Variants in TIAM1 observed in about 807,000 individuals in gnomAD.
TIAM1 encodes rho guanine nucleotide exchange factor TIAM1.
A neutral mutation model predicts 163.5 loss-of-function variants in TIAM1; 65 were observed. That is an observed-to-expected ratio of 0.40 (90% CI 0.33 to 0.49). The LOEUF is 0.49. TIAM1 is among the 20% of genes least tolerant of loss of function. The pLI, the probability that TIAM1 is intolerant of heterozygous loss-of-function variation, is 0.77. For missense variants in TIAM1, 1,789 were observed against 2,044.7 expected, an observed-to-expected ratio of 0.87 and a Z score of 2.41; for synonymous variants, 833 against 810.1, an observed-to-expected ratio of 1.03 and a Z score of -0.48.
At chr21:31,171,399 T>C (rs1392904334) in intron 15 of TIAM1, among the ~76,000 whole-genome samples, 1 of 152,192 alleles carries the variant, frequency 6.6e-6, no homozygotes, top group Non-Finnish European at 1.5e-5. Context: ...CACTTTTGTT[T>C]GTAAAAAGGC....
intron 2 of TIAM1, among the ~76,000 whole-genome samples, chr21:31,295,415 C>T (rs185969711): frequency 2.7e-5 from 4 of 146,574 alleles, no homozygotes; most frequent in Non-Finnish European, 1.5e-5. Flanking sequence ...GCTTGCAGTG[C>T]GCCGAGATCA....
intron 15 of TIAM1, among the ~76,000 whole-genome samples, chr21:31,165,882 CATCTT>C (rs1568952898): frequency 6.6e-6 from 1 of 152,174 alleles, no homozygotes. Context: ...AAACTATAAA[CATCTT>C]ATAATACCTG....
intron 1 of TIAM1, among the ~76,000 whole-genome samples, chr21:31,546,073 TA>T (rs397866875): frequency 2.0e-5 from 3 of 151,318 alleles, no homozygotes; most frequent in Admixed American, 1.3e-4. Flanking sequence ...TAATTTATTT[TA>T]AAAAAAATTT....
chr21:31,533,668 GGCTGCACGA>G (rs2048038309), intron 1 of TIAM1, among the ~76,000 whole-genome samples: 1 of 152,152 alleles, frequency 6.6e-6, no homozygotes, highest in South Asian at 2.1e-4. Flanking sequence ...AGAAGTTTGA[GGCTGCACGA>G]GCTGTGTTCA....
At chr21:31,216,390 G>C (rs975882448) in intron 9 of TIAM1, among the ~76,000 whole-genome samples, 1 of 152,136 alleles carries the variant, frequency 6.6e-6, no homozygotes, top group African/African-American at 2.4e-5. Flanking sequence ...CAAACTAGCA[G>C]TCTTAGTCAT....
chr21:31,281,103 A>AC (rs2073539514), intron 2 of TIAM1, among the ~76,000 whole-genome samples: 1 of 151,566 alleles, frequency 6.6e-6, no homozygotes, highest in East Asian at 1.9e-4. Flanking sequence ...AAAAAAAAAA[A>AC]AAAAACAACG....
intron 2 of TIAM1, among the ~76,000 whole-genome samples, chr21:31,364,597 A>C (rs1209478350): frequency 6.6e-6 from 1 of 152,224 alleles, no homozygotes; most frequent in African/African-American, 2.4e-5. Flanking sequence ...GGAATTGTTA[A>C]TAAGAGTTCT....
At chr21:31,522,093 A>G (rs1035633219) in intron 1 of TIAM1, among the ~76,000 whole-genome samples, 7 of 151,822 alleles carry the variant, frequency 4.6e-5, no homozygotes, top group South Asian at 2.1e-4. Flanking sequence ...GGATGGTCTC[A>G]ATCTCCTGAC....
At chr21:31,433,161 C>G (rs949922498) in intron 2 of TIAM1, among the ~76,000 whole-genome samples, 1 of 152,110 alleles carries the variant, frequency 6.6e-6, no homozygotes, top group Non-Finnish European at 1.5e-5. Flanking sequence ...AAATTGAAAG[C>G]CAGAGCTCTT....
At chr21:31,438,087 T>C (rs2044276336) in intron 2 of TIAM1, among the ~76,000 whole-genome samples, 1 of 151,952 alleles carries the variant, frequency 6.6e-6, no homozygotes. Context: ...CAACTACTTT[T>C]TACTAACCCC....
At chr21:31,240,903 T>G (rs962860673) in intron 6 of TIAM1, among the ~76,000 whole-genome samples, 1 of 152,174 alleles carries the variant, frequency 6.6e-6, no homozygotes, top group Non-Finnish European at 1.5e-5. Context: ...CATCTTCAAT[T>G]GTAGTGCCCA....
chr21:31,555,376 T>G (rs2048839796), intron 1 of TIAM1, among the ~76,000 whole-genome samples: 1 of 152,118 alleles, frequency 6.6e-6, no homozygotes. Flanking sequence ...TCTACCTGTT[T>G]GCTTAATTTA....
chr21:31,346,706 C>T (rs1299418206), upstream of TIAM1, among the ~76,000 whole-genome samples: 5 of 152,150 alleles, frequency 3.3e-5, no homozygotes, highest in Middle Eastern at 3.2e-3. Flanking sequence ...AACAGGAAGG[C>T]GCTTCATCTC....
Position 31,120,420 on chromosome 21 carries a change from C to A in TIAM1, c.4724G>T (p.Trp1575Leu). 1 of 1,614,080 alleles carries A rather than the reference C, an allele frequency of 6.2e-7. No homozygotes were observed. The highest frequency in any genetic ancestry group is 1.3e-5 in the African/African-American group (1 of 75,052). ...GLESASEEVI[W>L]VRREDFAPSR... ...GGGGGCAAAGTCTTCACGCCTAACC[C>A]AAATGACTTCCTCGCTTGCGCTCTC... The change falls in exon 28 of 28, where the codon TGG (tryptophan) becomes TTG (leucine). Residue 1575 changes from tryptophan (W) to leucine (L), a missense_variant. By Grantham distance (61) the Trp-to-Leu change is moderately conservative. Coordinates refer to ENST00000541036, the MANE Select transcript of TIAM1 (RefSeq NM_001353694.2). This position sits in a 1 kb window ranked among gnomAD's most constrained non-coding sequence, Gnocchi z 4.2.
chr21:31,381,229 A>T (rs1167377842), intron 2 of TIAM1, among the ~76,000 whole-genome samples: 1 of 152,092 alleles, frequency 6.6e-6, no homozygotes, highest in Admixed American at 6.5e-5. Context: ...TCTAATCCCT[A>T]AGGTGATGGT....
At chr21:31,250,151 G>GAAAAAAAAAAA (rs755928120) in intron 5 of TIAM1, among the ~76,000 whole-genome samples, 5 of 58,842 alleles carry the variant, frequency 8.5e-5, no homozygotes, top group Non-Finnish European at 1.1e-4. Context: ...GTCTCAAACA[G>GAAAAAAAAAAA]AAAAAAAAAA....
chr21:31,514,054 C>G (rs2047300873), intron 1 of TIAM1, among the ~76,000 whole-genome samples: 1 of 151,996 alleles, frequency 6.6e-6, no homozygotes, highest in Non-Finnish European at 1.5e-5. Context: ...CAAAGGCCTG[C>G]GACAGAGGGA....
chr21:31,470,579 C>T (rs572870157), intron 1 of TIAM1, among the ~76,000 whole-genome samples: 8 of 151,826 alleles, frequency 5.3e-5, no homozygotes, highest in Admixed American at 3.9e-4. Flanking sequence ...GTGATCCACC[C>T]GCCTCAGCCT....
intron 4 of TIAM1, among the ~76,000 whole-genome samples, chr21:31,259,361 T>A (rs894830602): frequency 6.6e-6 from 1 of 151,940 alleles, no homozygotes; most frequent in Admixed American, 6.6e-5. Context: ...GGTCTTGAAC[T>A]CCTGAGCTCA....
Sources: allele counts gnomAD v4.1 joint callset (sites outside exome capture counted in the v4.1 genomes callset), GRCh38; gene constraint gnomAD v4.1.1; non-coding constraint Gnocchi (gnomAD v3.1); transcripts MANE v1.5; gene names NCBI Gene and HGNC (gene_info 2026-07-23, HGNC 2026-07-21).